The following PARD3B variants were observed in gnomAD, a reference collection of about 807,000 sequenced individuals.
The protein encoded by PARD3B is par-3 family cell polarity regulator beta.
In PARD3B, 103 loss-of-function variants were observed where a neutral mutation model predicts 130.2. The observed-to-expected ratio is 0.79, with a 90% CI of 0.67 to 0.93. PARD3B has a LOEUF of 0.93. Among genes scored for constraint, PARD3B ranks in the 40% least tolerant of loss-of-function variants. The pLI, the probability that PARD3B is intolerant of heterozygous loss-of-function variation, is 0.00. For missense variants in PARD3B, 1,609 were observed against 1,499.2 expected (o/e 1.07, Z -1.21); for synonymous variants, 583 against 553.2 (o/e 1.05, Z -0.76).
intron 2 of PARD3B, among the ~76,000 whole-genome samples, chr2:204,936,873 C>T (rs554010865): frequency 6.6e-6 from 1 of 152,256 alleles, no homozygotes; most frequent in East Asian, 1.9e-4. Context: ...TAAAAACACA[C>T]ATAGAATTTG....
chr2:205,590,383 C>T lies in PARD3B; in HGVS notation c.3261-25073C>T, dbSNP rs1003920436. Among the ~76,000 whole-genome samples the T allele has an allele frequency of 1.3e-5, 2 of 152,172 alleles. No individual in the cohort carries two copies. The highest frequency in any genetic ancestry group is 4.8e-5 in the African/African-American group (2 of 41,440). ...TGCCCACAGCATCAGGCTTACTTCC[C>T]CCTCTTCTCAGCTACTCCACAAAAG... is the stretch of plus-strand genomic sequence containing the variant. On this transcript the variant is annotated intron_variant, in intron 22 of 22. Coordinates refer to ENST00000406610, the MANE Select transcript of PARD3B (RefSeq NM_001302769.2). This position sits in a 1 kb window ranked among gnomAD's most constrained non-coding sequence, Gnocchi z 4.1.
chr2:205,027,892 T>C (rs1411626933), intron 3 of PARD3B, among the ~76,000 whole-genome samples: 2 of 152,146 alleles, frequency 1.3e-5, no homozygotes, highest in Non-Finnish European at 2.9e-5. Context: ...AGGTTTATTT[T>C]TGTGCTCTCT....
chr2:204,912,404 G>T (rs778447529), intron 2 of PARD3B, among the ~76,000 whole-genome samples: 37 of 152,030 alleles, frequency 2.4e-4, no homozygotes, highest in Non-Finnish European at 4.9e-4. Flanking sequence ...ATTTGCATTT[G>T]TTATCATGTC....
At chr2:204,853,112 T>C (rs56067084) in intron 2 of PARD3B, among the ~76,000 whole-genome samples, 2,048 of 152,268 alleles carry the variant, frequency 0.013, 18 homozygotes, top group Middle Eastern at 0.037. Flanking sequence ...TCCTTATAAC[T>C]ATTTTTTTAA....
At chr2:205,335,063 C>G (rs867001302) in intron 18 of PARD3B, among the ~76,000 whole-genome samples, 2 of 152,140 alleles carry the variant, frequency 1.3e-5, no homozygotes, top group Admixed American at 6.6e-5. Context: ...AGGAACAAGC[C>G]TATAGTTTAT....
At chr2:205,518,196 T>G (rs964264251) in intron 21 of PARD3B, among the ~76,000 whole-genome samples, 1 of 152,082 alleles carries the variant, frequency 6.6e-6, no homozygotes, top group South Asian at 2.1e-4. Context: ...TCTCCTACTA[T>G]TATTGTGTGG....
At chr2:205,365,245 G>T (rs984816406) in intron 18 of PARD3B, among the ~76,000 whole-genome samples, 1 of 151,300 alleles carries the variant, frequency 6.6e-6, no homozygotes, top group Non-Finnish European at 1.5e-5. Flanking sequence ...GGTGGCAGGC[G>T]CCTGTAATCC....
intron 2 of PARD3B, among the ~76,000 whole-genome samples, chr2:204,796,303 G>C (rs1322721803): frequency 6.6e-6 from 1 of 152,154 alleles, no homozygotes; most frequent in Non-Finnish European, 1.5e-5. Flanking sequence ...GCATAAGCAG[G>C]GAAAATATCA....
At position 204,620,048 on chromosome 2, in the gene PARD3B, C is replaced by A. The variant is rs569472297; in HGVS notation, c.121-66133C>A. ...ATGGAATCTCGCTCTGTCACCCAGG[C>A]TGGAGTGCAATGGTGTGATCTCAGC... On this transcript the variant is annotated intron_variant, in intron 1 of 22. Coordinates refer to ENST00000406610, the MANE Select transcript of PARD3B (RefSeq NM_001302769.2). 3.0e-4 allele frequency among the ~76,000 whole-genome samples: 45 copies of A among 152,224 alleles called. 1 individual carries two copies. The South Asian group carries it at 5.8e-3, about 20-fold the overall frequency.
At chr2:204,801,119 C>G (rs1053555693) in intron 2 of PARD3B, among the ~76,000 whole-genome samples, 27 of 152,074 alleles carry the variant, frequency 1.8e-4, no homozygotes, top group Non-Finnish European at 1.5e-5. Context: ...GTTACTGTAG[C>G]CTTGTATTAT....
chr2:204,642,080 GGGA>G (rs2035095630), intron 1 of PARD3B, among the ~76,000 whole-genome samples: 1 of 152,222 alleles, frequency 6.6e-6, no homozygotes, highest in Admixed American at 6.5e-5. Flanking sequence ...ATAAACCTGA[GGGA>G]GGAGTAGTTT....
chr2:205,537,803 C>A (rs940108498), intron 21 of PARD3B, among the ~76,000 whole-genome samples: 7 of 152,198 alleles, frequency 4.6e-5, no homozygotes, highest in Non-Finnish European at 7.3e-5. Flanking sequence ...TAATAAAATG[C>A]ATATTTCATA....
At chr2:204,999,273 A>G (rs1310057845) in intron 3 of PARD3B, among the ~76,000 whole-genome samples, 1 of 152,150 alleles carries the variant, frequency 6.6e-6, no homozygotes, top group Non-Finnish European at 1.5e-5. Context: ...CAAAAGCACT[A>G]AGGAAAGAAA....
chr2:204,739,827 T>A (rs1167736807), intron 2 of PARD3B, among the ~76,000 whole-genome samples: 1 of 152,036 alleles, frequency 6.6e-6, no homozygotes, highest in Admixed American at 6.6e-5. Flanking sequence ...AAATTTTTGG[T>A]TTTAATATTA....
Position 204,890,755 on chromosome 2 carries a change from C to A in PARD3B, c.223-74397C>A, listed in dbSNP as rs928637211. ...AGGGAGGCAGGGATGTCCCCTCTTG[C>A]TCAGCCTCCCATCCTGTGTTCCCTC... On this transcript the variant is annotated intron_variant, in intron 2 of 22. Transcript: ENST00000406610. This position sits in a 1 kb window ranked among gnomAD's most constrained non-coding sequence, Gnocchi z 4.9. Among the ~76,000 whole-genome samples, 1 of 152,234 alleles carries A rather than the reference C, an allele frequency of 6.6e-6. No homozygotes were observed. Among genetic ancestry groups the A allele is most frequent in the African/African-American group, 2.4e-5 (1 of 41,462 alleles).
Position 204,546,055 on chromosome 2 carries a change from G to T in PARD3B, c.56G>T (p.Gly19Val), listed in dbSNP as rs772846335. The T allele has an allele frequency of 6.4e-7, 1 of 1,564,726 alleles. No homozygotes were observed. Among genetic ancestry groups the T allele is most frequent in the East Asian group, 2.4e-5 (1 of 41,696 alleles). The change falls in exon 1 of 23, where the codon GGC becomes GTC. Residue 19 changes from glycine to valine, a missense_variant. Gly to Val is a moderately radical substitution (Grantham distance 109). Coordinates refer to ENST00000406610, the MANE Select transcript of PARD3B (RefSeq NM_001302769.2). The stretch of plus-strand genomic sequence containing the variant: ...GGCATCGTGGTGCCCTGCAAGGAGG[G>T]CCAGCTGCGCGTCGGCGAGCTCACC... ...RTGIVVPCKE[G>V]QLRVGELTQQ...
At chr2:204,981,267 A>C (rs1386602898) in intron 3 of PARD3B, among the ~76,000 whole-genome samples, 4 of 152,232 alleles carry the variant, frequency 2.6e-5, no homozygotes, top group Admixed American at 2.6e-4. Flanking sequence ...CACTGAAAAA[A>C]AAATAGAACA....
chr2:204,766,282 A>G (rs920243585), intron 2 of PARD3B, among the ~76,000 whole-genome samples: 6 of 152,210 alleles, frequency 3.9e-5, no homozygotes, highest in African/African-American at 1.4e-4. Flanking sequence ...TATGTGTTTA[A>G]AATACATATC....
At chr2:205,051,023 C>T (rs2125421915) in intron 4 of PARD3B, among the ~76,000 whole-genome samples, 1 of 152,274 alleles carries the variant, frequency 6.6e-6, no homozygotes, top group Non-Finnish European at 1.5e-5. Context: ...GCCCTACGCT[C>T]ACTTTTATTG....
Sources: allele counts gnomAD v4.1 joint callset (sites outside exome capture counted in the v4.1 genomes callset), GRCh38; gene constraint gnomAD v4.1.1; non-coding constraint Gnocchi (gnomAD v3.1); transcripts MANE v1.5; gene names NCBI Gene and HGNC (gene_info 2026-07-23, HGNC 2026-07-21).